AFAP1: variants seen among roughly 807,000 people sequenced by gnomAD.
AFAP1 encodes the protein actin filament-associated protein 1.
Under a neutral mutation model 93.9 loss-of-function variants are expected in AFAP1, and 75 were observed. The ratio of observed to expected loss-of-function variants is 0.80; its 90% CI spans 0.66 to 0.97. AFAP1 has a LOEUF of 0.97. Ranked by LOEUF, AFAP1 falls within the 50% of genes least tolerant of loss-of-function variation. The pLI, the probability that AFAP1 is intolerant of heterozygous loss-of-function variation, is 0.00. For synonymous variants in AFAP1, 517 were observed against 430.7 expected (o/e 1.20, Z -2.48); for missense variants, 1,201 against 1,050.8 (o/e 1.14, Z -1.98).
Position 7,917,050 on chromosome 4 carries a change from T to C in AFAP1, c.-3+22606A>G, listed in dbSNP as rs114979549. Among the ~76,000 whole-genome samples, 230 of 152,364 alleles carry C rather than the reference T, an allele frequency of 1.5e-3. 2 individuals carry two copies. Among genetic ancestry groups the C allele is most frequent in the African/African-American group, 5.5e-3 (228 of 41,584 alleles). On this transcript the variant is annotated intron_variant, in intron 1 of 17. Coordinates refer to ENST00000420658, the MANE Select transcript of AFAP1 (RefSeq NM_001134647.2). ...GTGCCATGAGTTTGAGCAAGCAGCT[T>C]TGCTTCTCTCTACTGCAATTCTATC... is the stretch of plus-strand genomic sequence containing the variant.
rs1314140650 is a variant in AFAP1 at position 7,931,792 on chromosome 4, G to C, written c.-3+7864C>G. On this transcript the variant is annotated intron_variant, in intron 1 of 17. Transcript: ENST00000420658. The stretch of plus-strand genomic sequence containing the variant: ...ATGGATGCATATACACAAAATTTTT[G>C]CACAGGATTTTGAGGAGTTCATAAA... 2.0e-5 allele frequency among the ~76,000 whole-genome samples: 3 copies of C among 152,142 alleles called. No homozygotes were observed. The East Asian group carries it at 5.9e-4, about 30-fold the overall frequency.
chr4:7,773,136 C>T, intron 15 of AFAP1, 126 bp from the exon 16 acceptor site: 2 of 1,404,952 alleles, frequency 1.4e-6, no homozygotes, highest in Non-Finnish European at 1.9e-6. Flanking sequence ...TGACTTAGGT[C>T]CTCGTTGTGA....
chr4:7,774,569 C>T (rs1292144496), intron 15 of AFAP1, 170 bp downstream of exon 15: 7 of 1,063,128 alleles, frequency 6.6e-6, no homozygotes, highest in African/African-American at 3.2e-5. Flanking sequence ...GCACCTGCCT[C>T]GGGGTTACCA....
At position 7,773,000 on chromosome 4, in the gene AFAP1, C is replaced by T. The variant is rs754273915; in HGVS notation, c.2073G>A (p.Pro691=). The change falls in exon 16 of 18, where the codon CCG becomes CCA. Residue 691 remains proline (P), a synonymous_variant. Transcript: ENST00000420658. ...AAIEVNAGRK[P]QAILEEKLKQ... is the part of the protein sequence containing the mutation. ...TCAGCTTCTCCTCCAGGATCGCCTGCGGCTTCCTGCCTGGAATTCCCAGAA... is the reference window on the plus strand; with the variant it reads ...TCAGCTTCTCCTCCAGGATCGCCTGTGGCTTCCTGCCTGGAATTCCCAGAA... 79 of 1,609,186 alleles carry T rather than the reference C, an allele frequency of 4.9e-5. No homozygotes were observed. The Admixed American group carries it at 1.1e-3, about 23-fold the overall frequency.
rs150190637 is a variant in AFAP1 at position 7,838,559 on chromosome 4, C to T, written c.691G>A (p.Val231Ile). 2.6e-5 allele frequency: 42 copies of T among 1,614,048 alleles called. No homozygotes were observed. Among genetic ancestry groups the T allele is most frequent in the Admixed American group, 2.2e-4 (13 of 60,010 alleles). ...TGCTCGGCCTGTTCCTTGCTCTGGA[C>T]GGCGAGAACAAGCGGGTCCGTGCCC... is the stretch of plus-strand genomic sequence containing the variant. ...QQGTDPLVLA[V>I]QSKEQAEQWL... The change falls in exon 6 of 18, where the codon GTC (valine) becomes ATC (isoleucine). Residue 231 changes from valine (V) to isoleucine (I), a missense_variant. Physicochemically the swap from Val to Ile is conservative, Grantham distance 29. Transcript: ENST00000420658.
intron 9 of AFAP1, among the ~76,000 whole-genome samples, chr4:7,801,914 C>CAAAAAAAAAAAAAAAAAAAAAAAA (rs531684652): frequency 1.1e-4 from 7 of 65,196 alleles, no homozygotes; most frequent in Admixed American, 2.2e-4. Context: ...GACCCTATCA[C>CAAAAAAAAAAAAAAAAAAAAAAAA]AAAAAAAAAA....
intron 11 of AFAP1, among the ~76,000 whole-genome samples, chr4:7,787,094 T>C (rs1207592925): frequency 6.6e-6 from 1 of 152,240 alleles, no homozygotes; most frequent in Non-Finnish European, 1.5e-5. Context: ...CTCCTAAAAC[T>C]CTTGGAATTT....
intron 9 of AFAP1, among the ~76,000 whole-genome samples, chr4:7,803,267 G>A (rs1719215576): frequency 6.6e-6 from 1 of 152,222 alleles, no homozygotes; most frequent in Admixed American, 6.5e-5. Context: ...CTGAAAAGGA[G>A]CAGTAAGCTA....
rs749461256 is a variant in AFAP1 at position 7,768,970 on chromosome 4, G to A, written c.2292C>T (p.Pro764=). The A allele has an allele frequency of 1.2e-6, 2 of 1,613,600 alleles. No homozygotes were observed. Among genetic ancestry groups the A allele is most frequent in the African/African-American group, 1.3e-5 (1 of 74,942 alleles). Residue 764 remains proline, a synonymous_variant, in exon 17 of 18, where the codon CCC becomes CCT. Transcript: ENST00000420658. ...VFRHRTLENS[P]ISSCDTSDTE... ...TGTCACTGGTGTCACAGCTGGAGATGGGCGAGTTTTCCAGGGTCCGGTGCC... is the reference window on the plus strand; with the variant it reads ...TGTCACTGGTGTCACAGCTGGAGATAGGCGAGTTTTCCAGGGTCCGGTGCC...
intron 10 of AFAP1, among the ~76,000 whole-genome samples, chr4:7,796,050 T>C (rs1718390335): frequency 6.6e-6 from 1 of 152,156 alleles, no homozygotes; most frequent in Admixed American, 6.5e-5. Context: ...GTATAACATA[T>C]AAACGTGTGA....
At chr4:7,802,207 G>A (rs1435996830) in intron 9 of AFAP1, among the ~76,000 whole-genome samples, 2 of 152,218 alleles carry the variant, frequency 1.3e-5, no homozygotes, top group Non-Finnish European at 2.9e-5. Context: ...AATGCACACT[G>A]CTTCTTCTGG....
chr4:7,893,070 A>AT (rs1718561312), intron 1 of AFAP1, among the ~76,000 whole-genome samples: 1 of 151,534 alleles, frequency 6.6e-6, no homozygotes, highest in South Asian at 2.1e-4. Context: ...AAATCAAGGG[A>AT]TTTTTACCAG....
At chr4:7,891,055 T>C (rs1198522424) in intron 1 of AFAP1, among the ~76,000 whole-genome samples, 1 of 151,804 alleles carries the variant, frequency 6.6e-6, no homozygotes, top group African/African-American at 2.4e-5. Flanking sequence ...GTTCACACAA[T>C]GGAATCTTTT....
At chr4:7,865,627 T>C (rs1257707211) in intron 3 of AFAP1, among the ~76,000 whole-genome samples, 1 of 152,144 alleles carries the variant, frequency 6.6e-6, no homozygotes, top group Non-Finnish European at 1.5e-5. Flanking sequence ...GAATAAGTAA[T>C]AAACTATACT....
rs149214918 is a variant in AFAP1 at position 7,800,615 on chromosome 4, G to A, written c.1093C>T (p.Arg365Cys). The change falls in exon 10 of 18, where the codon CGC becomes TGC. Residue 365 changes from arginine (R) to cysteine (C), a missense_variant. Transcript: ENST00000420658. Reference sequence around the variant, plus strand: ...TTGTTATCTTTCACTCGGCACCAGCGCTCTCGCCAGCGGCTGTTGGAGAGC... The same window carrying A: ...TTGTTATCTTTCACTCGGCACCAGCACTCTCGCCAGCGGCTGTTGGAGAGC... ...NVLSNSRWRE[R>C]WCRVKDNKLI... 3.3e-4 allele frequency: 529 copies of A among 1,614,188 alleles called. 4 individuals are homozygous for A. In the Middle Eastern group the frequency reaches 4.9e-3, roughly 15 times the overall value.
At chr4:7,834,838 C>A (rs923728028) in intron 6 of AFAP1, among the ~76,000 whole-genome samples, 9 of 152,246 alleles carry the variant, frequency 5.9e-5, no homozygotes, top group South Asian at 2.1e-4. Context: ...TGAACTGAAA[C>A]AAATATAAAC....
At chr4:7,814,420 A>G (rs1228982215) in intron 8 of AFAP1, among the ~76,000 whole-genome samples, 1 of 152,192 alleles carries the variant, frequency 6.6e-6, no homozygotes, top group Non-Finnish European at 1.5e-5. Flanking sequence ...ACTCCTAGGT[A>G]TTTACCCGAG....
intron 9 of AFAP1, among the ~76,000 whole-genome samples, chr4:7,804,593 C>T (rs1243585726): frequency 6.6e-6 from 1 of 152,106 alleles, no homozygotes; most frequent in Non-Finnish European, 1.5e-5. Context: ...TGGGGCGTCG[C>T]GGGTCTCAGT....
At chr4:7,773,183 C>A in intron 15 of AFAP1, 173 bp from the exon 16 acceptor site, 1 of 1,000,252 alleles carries the variant, frequency 1.0e-6, no homozygotes, top group Non-Finnish European at 1.4e-6. Flanking sequence ...GATCAGAGTC[C>A]TTCTCCTACC....
Sources: gnomAD v4.1 joint callset for allele counts (sites outside exome capture counted in the v4.1 genomes callset) on GRCh38, gnomAD v4.1.1 for gene constraint, MANE v1.5 for transcripts, NCBI Gene and HGNC (gene_info 2026-07-23, HGNC 2026-07-21) for gene names.